Variants in OR11G2 observed in about 807,000 individuals in gnomAD.
OR11G2 encodes the protein olfactory receptor family 11 subfamily G member 2, also known as olfactory receptor 11G2.
Under a neutral mutation model 0.9 loss-of-function variants are expected in OR11G2, and 2 were observed. The ratio of observed to expected loss-of-function variants is 2.35; its 90% CI spans 0.96 to 7.38. The LOEUF is 7.38. Among genes scored for constraint, OR11G2 ranks in the 30% most tolerant of loss-of-function variants. OR11G2 has a pLI of 0.05. For synonymous variants in OR11G2, 153 were observed against 142.0 expected (o/e 1.08, Z -0.55); for missense variants, 395 against 371.3 (o/e 1.06, Z -0.52).
rs978947506 is a variant in OR11G2, at chr14:20,200,085, C to T, written c.*1712C>T. 1 of 148,782 alleles carries T rather than the reference C, an allele frequency of 6.7e-6. No homozygotes were observed. The highest frequency in any genetic ancestry group is 1.5e-5 in the Non-Finnish European group (1 of 67,408). The allele number at this position is 148,782 out of a possible 1,614,324, so 9.2% of individuals were successfully genotyped here. A position where few individuals can be genotyped will look rare whatever the true frequency, so the allele number is the denominator to read the frequency against. ...TGAAGTGTCTTCACTAATCCAAATACCTGTTTTTCAGGTTAAATAAATAGG... is the reference window on the plus strand; with the variant it reads ...TGAAGTGTCTTCACTAATCCAAATATCTGTTTTTCAGGTTAAATAAATAGG... On this transcript the variant is annotated 3_prime_UTR_variant, in exon 2 of 2. Coordinates refer to ENST00000641879, the MANE Select transcript of OR11G2 (RefSeq NM_001386033.1).
rs1879889854 is a variant in OR11G2, at chr14:20,200,911, C to T, written c.*2538C>T. On this transcript the variant is annotated 3_prime_UTR_variant, in exon 2 of 2. Coordinates refer to ENST00000641879, the MANE Select transcript of OR11G2 (RefSeq NM_001386033.1). ...AAGTGAATAGCAGAGTGTATTGTAGCTGCCTTCCATGGAAATGTGTATATC... is the reference window on the plus strand; with the variant it reads ...AAGTGAATAGCAGAGTGTATTGTAGTTGCCTTCCATGGAAATGTGTATATC... 6.6e-6 allele frequency: 1 copy of T among 152,160 alleles called. No homozygotes were observed. The highest frequency in any genetic ancestry group is 1.5e-5 in the Non-Finnish European group (1 of 68,038). The allele number at this position is 152,160 out of a possible 1,614,324, so 9.4% of individuals were successfully genotyped here.
chr14:20,193,071 TC>T (rs1009998569), intron 1 of OR11G2, among the ~76,000 whole-genome samples: 124 of 152,252 alleles, frequency 8.1e-4, no homozygotes, highest in African/African-American at 2.8e-3. Context: ...CCTCTAGAAG[TC>T]CCCTCTGTTT....
At chr14:20,192,116 C>T (rs1343618253) in intron 1 of OR11G2, among the ~76,000 whole-genome samples, 1 of 152,088 alleles carries the variant, frequency 6.6e-6, no homozygotes, top group Non-Finnish European at 1.5e-5. Flanking sequence ...TGGTCTCAAA[C>T]TCCCGACCTC....
At chr14:20,195,687 T>G (rs1297255187) in intron 1 of OR11G2, among the ~76,000 whole-genome samples, 2 of 152,238 alleles carry the variant, frequency 1.3e-5, no homozygotes, top group Admixed American at 6.5e-5. Context: ...GCATCTTTTG[T>G]TTTTGGTCTT....
At chr14:20,192,373 A>G (rs1049573720) in intron 1 of OR11G2, among the ~76,000 whole-genome samples, 1 of 152,268 alleles carries the variant, frequency 6.6e-6, no homozygotes, top group African/African-American at 2.4e-5. Context: ...TATACAGGTT[A>G]AAAGACTACT....
rs1879777833 is a variant in OR11G2 at position 20,197,494 on chromosome 14, G to A, written c.57G>A (p.Leu19=). 1 of 1,613,968 alleles carries A rather than the reference G, an allele frequency of 6.2e-7. No homozygotes were observed. The change falls in exon 2 of 2, where the codon CTG becomes CTA. Residue 19 remains leucine (L), a synonymous_variant. Coordinates refer to ENST00000641879, the MANE Select transcript of OR11G2 (RefSeq NM_001386033.1). ...GCACCTTCACTGGCTTCATCCTCCT[G>A]GGCTTCCCTTGCCCCAGGGAGGGGC... ...NSSTFTGFIL[L]GFPCPREGQI... is the part of the protein sequence containing the mutation.
At chr14:20,197,012 G>T (rs1364501284) in intron 1 of OR11G2, among the ~76,000 whole-genome samples, 6 of 152,192 alleles carry the variant, frequency 3.9e-5, no homozygotes, top group Non-Finnish European at 8.8e-5. Flanking sequence ...GCCACAAAAA[G>T]CTGCAATGAT....
chr14:20,196,056 A>G (rs546573950), intron 1 of OR11G2, among the ~76,000 whole-genome samples: 1 of 152,364 alleles, frequency 6.6e-6, no homozygotes, highest in South Asian at 2.1e-4. Flanking sequence ...AATGGAAGAT[A>G]CAGACTAAAG....
rs2139112701 is a variant in OR11G2 at position 20,197,516 on chromosome 14, G to A, written c.79G>A (p.Gly27Arg). The change falls in exon 2 of 2, where the codon GGG becomes AGG. Residue 27 changes from glycine to arginine, a missense_variant. Physicochemically the swap from Gly to Arg is moderately radical, Grantham distance 125 (BLOSUM62 -2). Transcript: ENST00000641879. ...ILLGFPCPRE[G>R]QILLFVLFTV... Reference sequence around the variant, plus strand: ...CCTGGGCTTCCCTTGCCCCAGGGAGGGGCAGATCCTCCTCTTTGTGCTCTT... The same window carrying A: ...CCTGGGCTTCCCTTGCCCCAGGGAGAGGCAGATCCTCCTCTTTGTGCTCTT... 1 of 1,613,958 alleles carries A rather than the reference G, an allele frequency of 6.2e-7. No individual in the cohort carries two copies. Among genetic ancestry groups the A allele is most frequent in the Non-Finnish European group, 8.5e-7 (1 of 1,179,966 alleles).
chr14:20,192,143 C>T (rs1040735730), intron 1 of OR11G2, among the ~76,000 whole-genome samples: 24 of 152,076 alleles, frequency 1.6e-4, no homozygotes, highest in Admixed American at 1.3e-3. Flanking sequence ...TCTCCTGCCT[C>T]GGCCTCCCAA....
At position 20,197,692 on chromosome 14, in the gene OR11G2, G is replaced by GAGGCTTTCTCCACCTGTGGGT; in HGVS notation, c.255_256insAGGCTTTCTCCACCTGTGGGT (p.Met85_Leu86insArgLeuSerProProValGly). On this transcript the variant is annotated inframe_insertion, in exon 2 of 2. Coordinates refer to ENST00000641879, the MANE Select transcript of OR11G2 (RefSeq NM_001386033.1). ...ATGTCACCTCCACAGTCCCCAGCAT[G>GAGGCTTTCTCCACCTGTGGGT]CTGGCCAACTTCCTCTCTGACACCA... 1 of 1,613,834 alleles carries GAGGCTTTCTCCACCTGTGGGT rather than the reference G, an allele frequency of 6.2e-7. No individual in the cohort carries two copies.
chr14:20,198,555 T>C lies in OR11G2; in HGVS notation c.*182T>C, dbSNP rs988799429. 50 of 421,268 alleles carry C rather than the reference T, an allele frequency of 1.2e-4. No homozygotes were observed. The highest frequency in any genetic ancestry group is 6.7e-4 in the Middle Eastern group (1 of 1,488). The allele number at this position is 421,268 out of a possible 1,614,324, so 26.1% of individuals were successfully genotyped here. A position where few individuals can be genotyped will look rare whatever the true frequency, so the allele number is the denominator to read the frequency against. ...CACCCTGGCTAACACGGTGAAACCCTGTCTCTACTAAAAAATACAAAAAAT... is the reference window on the plus strand; with the variant it reads ...CACCCTGGCTAACACGGTGAAACCCCGTCTCTACTAAAAAATACAAAAAAT... On this transcript the variant is annotated 3_prime_UTR_variant, in exon 2 of 2. Coordinates refer to ENST00000641879, the MANE Select transcript of OR11G2 (RefSeq NM_001386033.1).
rs2139113830 is a variant in OR11G2 at position 20,197,744 on chromosome 14, C to T, written c.307C>T (p.Leu103Phe). ...TKIISFSGCF[L>F]QFYFFFSLGS... ...GATCATCTCGTTCTCTGGCTGCTTCCTCCAGTTCTACTTTTTCTTCTCCTT... is the reference window on the plus strand; with the variant it reads ...GATCATCTCGTTCTCTGGCTGCTTCTTCCAGTTCTACTTTTTCTTCTCCTT... The change falls in exon 2 of 2, where the codon CTC (leucine) becomes TTC (phenylalanine). Residue 103 changes from leucine (L) to phenylalanine (F), a missense_variant. Leu to Phe is a conservative substitution (Grantham distance 22). Transcript: ENST00000641879. 1.2e-6 allele frequency: 2 copies of T among 1,613,700 alleles called. No individual in the cohort carries two copies. The highest frequency in any genetic ancestry group is 1.7e-6 in the Non-Finnish European group (2 of 1,179,980).
In OR11G2 at chr14:20,200,550, T is replaced by G. The variant is rs1450466504; in HGVS notation, c.*2177T>G. The stretch of plus-strand genomic sequence containing the variant: ...GATTGTGAAATGGGTTCTCTCACAC[T>G]TAGCTGGTGGGCGTATCAGCTTTAC... On this transcript the variant is annotated 3_prime_UTR_variant, in exon 2 of 2. Coordinates refer to ENST00000641879, the MANE Select transcript of OR11G2 (RefSeq NM_001386033.1). The G allele has an allele frequency of 6.6e-6, 1 of 152,216 alleles. No homozygotes were observed. 9.4% of individuals were successfully genotyped at this position (152,216 alleles called of 1,614,324 possible).
chr14:20,197,414 G>A lies in OR11G2; in HGVS notation c.-4-20G>A, dbSNP rs1430914708. 1.2e-6 allele frequency: 2 copies of A among 1,612,544 alleles called. No individual in the cohort carries two copies. The highest frequency in any genetic ancestry group is 2.2e-5 in the South Asian group (2 of 90,956). On this transcript the variant is annotated intron_variant, in intron 1 of 1. Transcript: ENST00000641879. ...TTTGCACCGTCATTCAGTAATTGCTGGTGCTTTTACAATTCACAGGCACAT... is the reference window on the plus strand; with the variant it reads ...TTTGCACCGTCATTCAGTAATTGCTAGTGCTTTTACAATTCACAGGCACAT...
intron 1 of OR11G2, among the ~76,000 whole-genome samples, chr14:20,195,935 G>A (rs919988534): frequency 1.3e-5 from 2 of 152,146 alleles, no homozygotes; most frequent in Admixed American, 1.3e-4. Context: ...GGCTTACATA[G>A]CATCTCAGCT....
At position 20,197,621 on chromosome 14, in the gene OR11G2, C is replaced by G; in HGVS notation, c.184C>G (p.Pro62Ala). The G allele has an allele frequency of 6.2e-7, 1 of 1,614,172 alleles. No individual in the cohort carries two copies. ...GCACTGGGATCAGAGACTCCACGCC[C>G]CCATGTACATCCTGCTCGCCAACTT... Reference protein sequence around the residue: ...AVHWDQRLHAPMYILLANFSF... With the variant: ...AVHWDQRLHAAMYILLANFSF... The change falls in exon 2 of 2, where the codon CCC (proline) becomes GCC (alanine). Residue 62 changes from proline to alanine, a missense_variant. Physicochemically the swap from Pro to Ala is conservative, Grantham distance 27 (BLOSUM62 -1). Transcript: ENST00000641879.
intron 1 of OR11G2, 116 bp from the exon 2 acceptor site, chr14:20,197,318 T>C: frequency 7.3e-7 from 1 of 1,370,054 alleles, no homozygotes; most frequent in Non-Finnish European, 9.9e-7. Flanking sequence ...TTTTTACTTT[T>C]ATTTCAATAG....
chr14:20,196,191 T>A (rs999231668), intron 1 of OR11G2, among the ~76,000 whole-genome samples: 1 of 152,186 alleles, frequency 6.6e-6, no homozygotes, highest in African/African-American at 2.4e-5. Context: ...CCTTGCAAAG[T>A]TATCCTGTTT....
Sources: allele counts gnomAD v4.1 joint callset (sites outside exome capture counted in the v4.1 genomes callset), GRCh38; gene constraint gnomAD v4.1.1; transcripts MANE v1.5; gene names NCBI Gene and HGNC (gene_info 2026-07-23, HGNC 2026-07-21).